Variants in CRLF3 observed in about 807,000 individuals in gnomAD.
CRLF3 encodes the protein cytokine receptor-like factor 3.
Under a neutral mutation model 55.0 loss-of-function variants are expected in CRLF3, and 33 were observed. That is an observed-to-expected ratio of 0.60 (90% CI 0.46 to 0.80). CRLF3 has a LOEUF of 0.80. Among genes scored for constraint, CRLF3 ranks in the 30% least tolerant of loss-of-function variants. The probability of loss-of-function intolerance (pLI) is 0.00; values close to 1 mark genes in which losing one functional copy is unlikely to be tolerated. For synonymous variants in CRLF3, 238 were observed against 196.8 expected, an observed-to-expected ratio of 1.21 and a Z score of -1.75; for missense variants, 494 against 538.4, an observed-to-expected ratio of 0.92 and a Z score of 0.82.
intron 1 of CRLF3, 107 bp downstream of exon 1, chr17:30,824,416 A>G: frequency 1.7e-6 from 2 of 1,153,814 alleles, no homozygotes; most frequent in African/African-American, 3.3e-5. Context: ...CCTCTTCCCT[A>G]CTCCAGAGTT....
At chr17:30,816,404 G>C (rs948630631) in intron 1 of CRLF3, among the ~76,000 whole-genome samples, 1 of 151,310 alleles carries the variant, frequency 6.6e-6, no homozygotes, top group Non-Finnish European at 1.5e-5. Flanking sequence ...ATGATGTTTT[G>C]GACAATGACA....
chr17:30,814,887 G>C (rs1046728337), intron 1 of CRLF3, among the ~76,000 whole-genome samples: 10 of 151,268 alleles, frequency 6.6e-5, no homozygotes, highest in Non-Finnish European at 1.5e-4. Context: ...TGTAATGCCA[G>C]CTACTCGGAA....
chr17:30,785,800 AAAG>A (rs1254259540), intron 7 of CRLF3, 116 bp downstream of exon 7: 4 of 595,446 alleles, frequency 6.7e-6, no homozygotes, highest in Middle Eastern at 3.4e-4. Context: ...AAAAAAAGAA[AAAG>A]AAAAATACCT....
chr17:30,797,501 T>C lies in CRLF3; in HGVS notation c.338-103A>G, dbSNP rs978512132. 15 of 854,976 alleles carry C rather than the reference T, an allele frequency of 1.8e-5. No individual in the cohort carries two copies. In the African/African-American group the frequency reaches 2.5e-4, roughly 14 times the overall value. The allele number at this position is 854,976 out of a possible 1,614,324, so 53.0% of individuals were successfully genotyped here. A position where few individuals can be genotyped will look rare whatever the true frequency, so the allele number is the denominator to read the frequency against. On this transcript the variant is annotated intron_variant, in intron 2 of 7. Transcript: ENST00000324238. ...GGTCTCTAGCGTTCTTGCAAATAAGTTCTTAAGTGATGCCACAGTCAAATT... is the reference window on the plus strand; with the variant it reads ...GGTCTCTAGCGTTCTTGCAAATAAGCTCTTAAGTGATGCCACAGTCAAATT...
intron 4 of CRLF3, among the ~76,000 whole-genome samples, chr17:30,794,669 C>A (rs1202253656): frequency 6.6e-6 from 1 of 152,024 alleles, no homozygotes; most frequent in Non-Finnish European, 1.5e-5. Flanking sequence ...TGTGGAAGCA[C>A]ATGCCTGAAG....
At chr17:30,812,578 C>T (rs1002533234) in intron 1 of CRLF3, among the ~76,000 whole-genome samples, 31 of 152,048 alleles carry the variant, frequency 2.0e-4, no homozygotes, top group Non-Finnish European at 7.4e-5. Flanking sequence ...AAACAGAAAA[C>T]GTATATTATA....
chr17:30,784,640 G>A (rs1256576941), intron 7 of CRLF3, 197 bp from the exon 8 acceptor site: 7 of 477,834 alleles, frequency 1.5e-5, no homozygotes, highest in Non-Finnish European at 2.6e-5. Flanking sequence ...CCATATCAGT[G>A]TCATCAAAAG....
chr17:30,817,655 C>G (rs1277000001), intron 1 of CRLF3, among the ~76,000 whole-genome samples: 1 of 151,998 alleles, frequency 6.6e-6, no homozygotes, highest in Non-Finnish European at 1.5e-5. Flanking sequence ...AGCCTGTAAT[C>G]CCAGCACTTT....
At chr17:30,806,529 T>C (rs1904408549) in intron 1 of CRLF3, among the ~76,000 whole-genome samples, 1 of 152,192 alleles carries the variant, frequency 6.6e-6, no homozygotes, top group South Asian at 2.1e-4. Flanking sequence ...AGCCCACAAT[T>C]TGAGAAACAT....
intron 1 of CRLF3, among the ~76,000 whole-genome samples, chr17:30,817,625 AGGCCAGGCAGGGT>A (rs1904845341): frequency 6.6e-6 from 1 of 151,806 alleles, no homozygotes; most frequent in East Asian, 1.9e-4. Context: ...TGTTAACTGC[AGGCCAGGCAGGGT>A]GGCTCAAGCC....
intron 1 of CRLF3, chr17:30,809,606 C>T (rs1726550770): frequency 6.6e-6 from 1 of 152,186 alleles, no homozygotes; most frequent in South Asian, 2.1e-4. Context: ...AACAGTCTAA[C>T]TCCAAAGACT....
At chr17:30,802,416 G>A (rs967088553) in intron 2 of CRLF3, among the ~76,000 whole-genome samples, 8 of 148,970 alleles carry the variant, frequency 5.4e-5, no homozygotes, top group Non-Finnish European at 8.9e-5. Context: ...CACCGTGCCC[G>A]GCCTTTATTC....
intron 4 of CRLF3, among the ~76,000 whole-genome samples, chr17:30,793,928 C>T (rs956402848): frequency 6.6e-6 from 1 of 151,872 alleles, no homozygotes; most frequent in Non-Finnish European, 1.5e-5. Context: ...AGCCTCCACA[C>T]CCCGGGTTCA....
At chr17:30,805,729 AAAGC>A (rs1377141218) in intron 1 of CRLF3, among the ~76,000 whole-genome samples, 1 of 151,768 alleles carries the variant, frequency 6.6e-6, no homozygotes, top group Non-Finnish European at 1.5e-5. Context: ...AAAAAAAAAA[AAAGC>A]AAGCCATGGT....
intron 4 of CRLF3, among the ~76,000 whole-genome samples, chr17:30,794,333 T>G (rs1971870842): frequency 6.6e-6 from 1 of 152,090 alleles, no homozygotes; most frequent in Non-Finnish European, 1.5e-5. Flanking sequence ...CCCCCATTAA[T>G]TTTTAGGGGT....
chr17:30,815,061 TTTTCTTTCTTTTTTC>T (rs1470965989), intron 1 of CRLF3, among the ~76,000 whole-genome samples: 7 of 151,110 alleles, frequency 4.6e-5, no homozygotes, highest in Non-Finnish European at 1.0e-4. Context: ...ACACACATTT[TTTTCTTTCTTTTTTC>T]TTTCTTTCTT....
chr17:30,806,765 C>G, intron 1 of CRLF3, among the ~76,000 whole-genome samples: 1 of 152,156 alleles, frequency 6.6e-6, no homozygotes, highest in East Asian at 1.9e-4. Context: ...TCCTGAGTAG[C>G]TGAGCTTATA....
At chr17:30,818,799 G>C (rs28627615) in intron 1 of CRLF3, among the ~76,000 whole-genome samples, 18,965 of 148,258 alleles carry the variant, frequency 0.13, 1,267 homozygotes, top group South Asian at 0.25. Flanking sequence ...TCCTGTCTTG[G>C]TTTTTTGAAA....
At chr17:30,823,640 T>A (rs1905058515) in intron 1 of CRLF3, among the ~76,000 whole-genome samples, 1 of 151,960 alleles carries the variant, frequency 6.6e-6, no homozygotes, top group African/African-American at 2.4e-5. Context: ...CTCTGAAGAT[T>A]ATCCGTCCTA....
Sources: gnomAD v4.1 joint callset for allele counts (sites outside exome capture counted in the v4.1 genomes callset) on GRCh38, gnomAD v4.1.1 for gene constraint, MANE v1.5 for transcripts, NCBI Gene and HGNC (gene_info 2026-07-23, HGNC 2026-07-21) for gene names.